MKLN1: variants seen among roughly 807,000 people sequenced by gnomAD.
MKLN1 encodes muskelin 1.
MKLN1 carries 18 observed loss-of-function variants against 99.0 expected under a neutral mutation model. That is an observed-to-expected ratio of 0.18 (90% confidence interval 0.13 to 0.27). The LOEUF (loss-of-function observed/expected upper bound fraction) is 0.27, where lower values mean the gene tolerates loss of function less well. Ranked by LOEUF, MKLN1 falls within the 10% of genes least tolerant of loss-of-function variation. MKLN1 has a pLI of 1.00. For synonymous variants in MKLN1, 288 were observed against 293.2 expected (o/e 0.98, Z 0.18); for missense variants, 621 against 875.9 (o/e 0.71, Z 3.67).
At chr7:131,219,003 G>T (rs1462378783) in intron 3 of MKLN1, among the ~76,000 whole-genome samples, 3 of 152,118 alleles carry the variant, frequency 2.0e-5, no homozygotes, top group African/African-American at 7.2e-5. Flanking sequence ...ATCTAGAATG[G>T]TCAATTCTTA....
At chr7:131,424,095 T>C (rs1056373399) in intron 8 of MKLN1, among the ~76,000 whole-genome samples, 3 of 152,246 alleles carry the variant, frequency 2.0e-5, no homozygotes, top group Non-Finnish European at 4.4e-5. Context: ...TATTTCTGTC[T>C]TCAAAAATTG....
intron 12 of MKLN1, among the ~76,000 whole-genome samples, chr7:131,448,256 A>T (rs1171232888): frequency 2.0e-5 from 3 of 152,170 alleles, no homozygotes; most frequent in Admixed American, 6.5e-5. Flanking sequence ...GCAATGCGTG[A>T]TAGTGACAGA....
At chr7:131,144,454 C>G (rs1025787703) in intron 2 of MKLN1, among the ~76,000 whole-genome samples, 1 of 150,670 alleles carries the variant, frequency 6.6e-6, no homozygotes, top group Non-Finnish European at 1.5e-5. Context: ...TGCACTCCAG[C>G]CTGGGTGACA....
chr7:131,185,290 C>G (rs1245706842), intron 2 of MKLN1, among the ~76,000 whole-genome samples: 1 of 151,862 alleles, frequency 6.6e-6, no homozygotes, highest in Non-Finnish European at 1.5e-5. Flanking sequence ...AACTACTTTC[C>G]CTAGGGGCCC....
At chr7:131,177,532 C>T (rs932606598) in intron 2 of MKLN1, among the ~76,000 whole-genome samples, 2 of 150,486 alleles carry the variant, frequency 1.3e-5, no homozygotes, top group Non-Finnish European at 3.0e-5. Context: ...GGTTTTTATG[C>T]TATTTACTAA....
At chr7:131,210,869 A>G (rs1796895136) in intron 3 of MKLN1, among the ~76,000 whole-genome samples, 1 of 149,596 alleles carries the variant, frequency 6.7e-6, no homozygotes, top group Admixed American at 6.7e-5. Flanking sequence ...CCTATTATTG[A>G]TAGGTTAGCA....
chr7:131,478,595 C>CTTTTTTTTTT, intron 16 of MKLN1, 28 bp from the exon 17 acceptor site: 1 of 1,237,448 alleles, frequency 8.1e-7, no homozygotes, highest in Non-Finnish European at 1.0e-6. Flanking sequence ...TTTGCTGCTT[C>CTTTTTTTTTT]TTTTTTTTTT....
At chr7:131,327,828 A>G (rs1482074458), upstream of MKLN1, 7 of 1,573,530 alleles carry the variant, frequency 4.4e-6, no homozygotes, top group Admixed American at 3.5e-5. Context: ...CCCCTTTAAG[A>G]GCAGGCCACG....
intron 1 of MKLN1, among the ~76,000 whole-genome samples, chr7:131,338,039 G>A (rs1467054203): frequency 6.6e-6 from 1 of 152,160 alleles, no homozygotes; most frequent in Non-Finnish European, 1.5e-5. Context: ...TCTACCTGTA[G>A]TTTGCTTCCA....
At chr7:131,141,393 C>G (rs1296422295) in intron 1 of MKLN1, among the ~76,000 whole-genome samples, 2 of 152,178 alleles carry the variant, frequency 1.3e-5, no homozygotes, top group Admixed American at 6.5e-5. Flanking sequence ...ACCAAGTTGT[C>G]TAAGTCAAAA....
chr7:131,260,483 T>G (rs1321911016), intron 3 of MKLN1, among the ~76,000 whole-genome samples: 1 of 151,980 alleles, frequency 6.6e-6, no homozygotes, highest in Non-Finnish European at 1.5e-5. Context: ...ATGACACAAA[T>G]GAAAAAACAT....
intron 8 of MKLN1, among the ~76,000 whole-genome samples, chr7:131,427,709 A>G (rs937126278): frequency 1.3e-5 from 2 of 151,972 alleles, no homozygotes; most frequent in Non-Finnish European, 2.9e-5. Context: ...GCCCGTCACC[A>G]CACCTGCCTA....
intron 1 of MKLN1, among the ~76,000 whole-genome samples, chr7:131,123,829 G>T (rs928108920): frequency 3.9e-5 from 6 of 152,062 alleles, no homozygotes; most frequent in Admixed American, 3.3e-4. Context: ...TACAGTACTG[G>T]GTATTATGGA....
In MKLN1 at chr7:131,421,186, T is replaced by C. The variant is rs145812730; in HGVS notation, c.847+6476T>C. 2.0e-3 allele frequency among the ~76,000 whole-genome samples: 309 copies of C among 152,292 alleles called. 4 individuals are homozygous for C. Among genetic ancestry groups the C allele is most frequent in the African/African-American group, 7.0e-3 (290 of 41,566 alleles). ...GTTTGGGCTCAAGTGCACAATCTGG[T>C]GTATCCTTGGGTTTTTCTCTCCAAA... On this transcript the variant is annotated intron_variant, in intron 8 of 17. Coordinates refer to ENST00000352689, the MANE Select transcript of MKLN1 (RefSeq NM_013255.5).
At chr7:131,369,697 A>G (rs903126920) in intron 1 of MKLN1, among the ~76,000 whole-genome samples, 15 of 152,238 alleles carry the variant, frequency 9.9e-5, no homozygotes, top group African/African-American at 3.6e-4. Flanking sequence ...ACAAAATTTG[A>G]AAGTTTTAAT....
chr7:131,201,268 C>T (rs952940745), intron 2 of MKLN1, among the ~76,000 whole-genome samples: 5 of 152,178 alleles, frequency 3.3e-5, no homozygotes, highest in African/African-American at 9.7e-5. Context: ...AATCCACCTG[C>T]CTCGGCCTCC....
intron 3 of MKLN1, among the ~76,000 whole-genome samples, chr7:131,232,117 T>C (rs923353756): frequency 6.6e-6 from 1 of 152,154 alleles, no homozygotes; most frequent in African/African-American, 2.4e-5. Context: ...GCTTCCTACC[T>C]CCATATAAAA....
At chr7:131,384,390 A>G (rs1793945663) in intron 2 of MKLN1, among the ~76,000 whole-genome samples, 1 of 152,076 alleles carries the variant, frequency 6.6e-6, no homozygotes, top group African/African-American at 2.4e-5. Context: ...AAAGACACAG[A>G]TACAGGGAAG....
intron 3 of MKLN1, among the ~76,000 whole-genome samples, chr7:131,299,159 T>C (rs767336237): frequency 1.3e-5 from 2 of 152,222 alleles, no homozygotes; most frequent in African/African-American, 2.4e-5. Flanking sequence ...GTTTTAGTTA[T>C]TTCCTCAAGA....
Sources: allele counts gnomAD v4.1 joint callset (sites outside exome capture counted in the v4.1 genomes callset), GRCh38; gene constraint gnomAD v4.1.1; transcripts MANE v1.5; gene names NCBI Gene and HGNC (gene_info 2026-07-23, HGNC 2026-07-21).